SUZ12: variants seen among roughly 807,000 people sequenced by gnomAD.
SUZ12 encodes SUZ12 polycomb repressive complex 2 subunit, also known as polycomb protein SUZ12.
Under a neutral mutation model 87.3 loss-of-function variants are expected in SUZ12, and 17 were observed. The observed-to-expected ratio is 0.19, with a 90% confidence interval of 0.13 to 0.29. SUZ12 has a LOEUF of 0.29. Among genes scored for constraint, SUZ12 ranks in the 10% least tolerant of loss-of-function variants. The pLI is 1.00. For missense variants in SUZ12, 526 were observed against 912.2 expected (o/e 0.58, Z 5.45); for synonymous variants, 253 against 312.4 (o/e 0.81, Z 2.01).
At chr17:31,951,282 G>A (rs940074807) in intron 4 of SUZ12, among the ~76,000 whole-genome samples, 7 of 152,134 alleles carry the variant, frequency 4.6e-5, no homozygotes, top group Admixed American at 2.6e-4. Flanking sequence ...AGTTAGTTCA[G>A]TCAAATAAAT....
At chr17:31,955,392 C>T (rs565994076) in intron 4 of SUZ12, among the ~76,000 whole-genome samples, 1 of 152,150 alleles carries the variant, frequency 6.6e-6, no homozygotes, top group Non-Finnish European at 1.5e-5. Flanking sequence ...AATGATCCTC[C>T]TGCCTCAGCC....
intron 8 of SUZ12, among the ~76,000 whole-genome samples, chr17:31,977,686 C>A (rs1170973760): frequency 1.3e-5 from 2 of 152,200 alleles, no homozygotes; most frequent in African/African-American, 2.4e-5. Context: ...GTCAGGAGTT[C>A]GAGACCAGCC....
rs1909849932 is a variant in SUZ12 at position 31,993,986 on chromosome 17, G to A, written c.1415G>A (p.Ser472Asn). 2 of 1,612,462 alleles carry A rather than the reference G, an allele frequency of 1.2e-6. No homozygotes were observed. The highest frequency in any genetic ancestry group is 1.7e-6 in the Non-Finnish European group (2 of 1,179,568). The change falls in exon 12 of 16, where the codon AGC (serine) becomes AAC (asparagine). Residue 472 changes from serine (S) to asparagine (N), a missense_variant. Coordinates refer to ENST00000322652, the MANE Select transcript of SUZ12 (RefSeq NM_015355.4). Reference protein sequence around the residue: ...SLLKHLKLCHSRFIFNYVYHP... With the variant: ...SLLKHLKLCHNRFIFNYVYHP... ...CTCAAGCATCTTAAACTCTGCCATA[G>A]CAGATTTATCTTCAACTATGTTGTG... is the stretch of plus-strand genomic sequence containing the variant.
intron 9 of SUZ12, among the ~76,000 whole-genome samples, chr17:31,986,777 C>G (rs1428128147): frequency 6.6e-6 from 1 of 152,150 alleles, no homozygotes; most frequent in Non-Finnish European, 1.5e-5. Flanking sequence ...GTCTCGAACT[C>G]CTGACCTCAC....
At chr17:31,969,711 A>G (rs1023356019) in intron 5 of SUZ12, among the ~76,000 whole-genome samples, 2 of 152,096 alleles carry the variant, frequency 1.3e-5, no homozygotes, top group African/African-American at 4.8e-5. Context: ...AATATTTTTA[A>G]GAAACCAGGA....
At chr17:31,943,213 G>GTC (rs1338035069) in intron 3 of SUZ12, among the ~76,000 whole-genome samples, 1 of 152,148 alleles carries the variant, frequency 6.6e-6, no homozygotes, top group Non-Finnish European at 1.5e-5. Context: ...CCCTTTACCT[G>GTC]TCTACTCCAT....
intron 9 of SUZ12, among the ~76,000 whole-genome samples, chr17:31,987,451 T>C (rs575914005): frequency 6.6e-6 from 1 of 152,288 alleles, no homozygotes; most frequent in South Asian, 2.1e-4. Flanking sequence ...AAGTTAGCTA[T>C]TTTCAATAGC....
intron 4 of SUZ12, among the ~76,000 whole-genome samples, chr17:31,962,366 G>A (rs530501767): frequency 6.6e-6 from 1 of 152,168 alleles, no homozygotes; most frequent in African/African-American, 2.4e-5. Context: ...TGAGGCAGGT[G>A]GATCTCTTGA....
chr17:31,945,758 C>G (rs1598148570), intron 3 of SUZ12, among the ~76,000 whole-genome samples: 1 of 152,276 alleles, frequency 6.6e-6, no homozygotes, highest in East Asian at 1.9e-4. Flanking sequence ...ATTCTATTCA[C>G]TTCTCCTGTA....
At chr17:31,981,577 A>G (rs1217857328) in intron 8 of SUZ12, among the ~76,000 whole-genome samples, 3 of 152,250 alleles carry the variant, frequency 2.0e-5, no homozygotes, top group Non-Finnish European at 4.4e-5. Context: ...TTAGAAATAT[A>G]TGAATTTATT....
Position 31,988,396 on chromosome 17 carries a change from A to G in SUZ12, c.1100A>G (p.Asp367Gly), listed in dbSNP as rs1226699127. The G allele has an allele frequency of 1.2e-6, 2 of 1,613,838 alleles. No homozygotes were observed. The highest frequency in any genetic ancestry group is 1.7e-6 in the Non-Finnish European group (2 of 1,179,924). The change falls in exon 10 of 16, where the codon GAT (aspartate) becomes GGT (glycine). Residue 367 changes from aspartate (D) to glycine (G), a missense_variant. Around this residue, in one of 9 missense-constraint regions of SUZ12, gnomAD observed 85 missense variants for 87.4 expected, o/e 0.97. Coordinates refer to ENST00000322652, the MANE Select transcript of SUZ12 (RefSeq NM_015355.4). ...CTTCGTTGGACAGGAGAGACCAATG[A>G]TAAATCTACGGCTCCTATTGCCAAA... ...FTLRWTGETNDKSTAPIAKPL... is the reference protein window; with the variant it reads ...FTLRWTGETNGKSTAPIAKPL...
intron 9 of SUZ12, among the ~76,000 whole-genome samples, chr17:31,985,849 G>C (rs146296634): frequency 0.018 from 2,675 of 152,096 alleles, 77 homozygotes; most frequent in African/African-American, 0.06. Context: ...TTTTAGTAGA[G>C]ATGGAGTTTC....
chr17:31,990,488 C>T (rs550059994), intron 10 of SUZ12, among the ~76,000 whole-genome samples: 41 of 152,004 alleles, frequency 2.7e-4, no homozygotes, highest in South Asian at 6.2e-4. Flanking sequence ...CTCAGCCTCC[C>T]GAGTAGCTGA....
Position 31,993,308 on chromosome 17 carries a change from G to T in SUZ12, c.1268G>T (p.Arg423Leu). 1.3e-6 allele frequency: 2 copies of T among 1,580,398 alleles called. No individual in the cohort carries two copies. Among genetic ancestry groups the T allele is most frequent in the South Asian group, 2.4e-5 (2 of 84,916 alleles). ...RKEKDTPNEN[R>L]QKLRIFYQFL... ...GAAAAGGATACTCCAAATGAAAACC[G>T]ACAAAAATTAAGAATATTTTATCAG... Residue 423 changes from arginine to leucine, a missense_variant, in exon 11 of 16, where the codon CGA (arginine) becomes CTA (leucine). Coordinates refer to ENST00000322652, the MANE Select transcript of SUZ12 (RefSeq NM_015355.4).
At chr17:31,959,418 C>T (rs1484749418) in intron 4 of SUZ12, among the ~76,000 whole-genome samples, 1 of 152,182 alleles carries the variant, frequency 6.6e-6, no homozygotes, top group Non-Finnish European at 1.5e-5. Flanking sequence ...CATCATCCAC[C>T]ATTGAGCTTT....
chr17:31,989,067 C>CA (rs1054587458), intron 10 of SUZ12, among the ~76,000 whole-genome samples: 12 of 150,490 alleles, frequency 8.0e-5, no homozygotes, highest in Admixed American at 2.0e-4. Context: ...TACTCCATCT[C>CA]AAAAAAAATA....
chr17:31,987,917 C>T (rs976414556), intron 9 of SUZ12, among the ~76,000 whole-genome samples: 2 of 149,520 alleles, frequency 1.3e-5, no homozygotes, highest in Admixed American at 6.7e-5. Flanking sequence ...CTAGCCTGGG[C>T]GACAAGAGTG....
At chr17:31,945,501 T>A (rs1906585791) in intron 3 of SUZ12, among the ~76,000 whole-genome samples, 2 of 152,242 alleles carry the variant, frequency 1.3e-5, no homozygotes, top group Non-Finnish European at 2.9e-5. Flanking sequence ...GAGCTGTTTC[T>A]GAAGTCTCCC....
chr17:31,943,939 G>T (rs888598201), intron 3 of SUZ12, among the ~76,000 whole-genome samples: 5 of 151,718 alleles, frequency 3.3e-5, no homozygotes, highest in Admixed American at 2.0e-4. Flanking sequence ...CTCATGATCC[G>T]CCTGCCTTGG....
Sources: allele counts gnomAD v4.1 joint callset (sites outside exome capture counted in the v4.1 genomes callset), GRCh38; gene constraint gnomAD v4.1.1; regional missense constraint gnomAD v4.1.1; transcripts MANE v1.5; gene names NCBI Gene and HGNC (gene_info 2026-07-23, HGNC 2026-07-21).